SPATA9: variants seen among roughly 807,000 people sequenced by gnomAD.
SPATA9 encodes the protein spermatogenesis associated 9, also known as spermatogenesis-associated protein 9.
A neutral mutation model predicts 25.5 loss-of-function variants in SPATA9; 27 were observed. The ratio of observed to expected loss-of-function variants is 1.06; its 90% CI spans 0.78 to 1.46. SPATA9 has a LOEUF of 1.46. Among genes scored for constraint, SPATA9 ranks in the 40% most tolerant of loss-of-function variants. The pLI, the probability that SPATA9 is intolerant of heterozygous loss-of-function variation, is 0.00. For synonymous variants in SPATA9, 102 were observed against 105.7 expected (o/e 0.97, Z 0.21); for missense variants, 282 against 297.5 (o/e 0.95, Z 0.38).
chr5:95,680,367 C>T (rs1753338611), intron 2 of SPATA9, among the ~76,000 whole-genome samples: 1 of 152,148 alleles, frequency 6.6e-6, no homozygotes, highest in African/African-American at 2.4e-5. Flanking sequence ...TTCTGGGTAA[C>T]TAAAATTTTT....
chr5:95,681,590 G>T (rs146995211), intron 2 of SPATA9, among the ~76,000 whole-genome samples: 29 of 152,074 alleles, frequency 1.9e-4, no homozygotes, highest in African/African-American at 6.5e-4. Flanking sequence ...GCTCATTAGC[G>T]GAAAGGATCA....
intron 4 of SPATA9, among the ~76,000 whole-genome samples, chr5:95,660,602 C>G (rs1211728928): frequency 6.6e-6 from 1 of 152,172 alleles, no homozygotes; most frequent in Non-Finnish European, 1.5e-5. Flanking sequence ...CAGCCTCATC[C>G]ATTTATCCAA....
chr5:95,677,555 TA>T (rs1167334221), intron 2 of SPATA9, among the ~76,000 whole-genome samples: 11 of 152,160 alleles, frequency 7.2e-5, no homozygotes, highest in Admixed American at 2.0e-4. Context: ...TTCAGAAACC[TA>T]AATGCCATTA....
the SPATA9 span, among the ~76,000 whole-genome samples, chr5:95,708,412 C>G: frequency 1.3e-5 from 2 of 151,998 alleles, no homozygotes; most frequent in African/African-American, 4.8e-5. Context: ...GAATTAGGGT[C>G]ATGGACAGTT....
chr5:95,699,463 T>G (rs969626285), upstream of SPATA9, among the ~76,000 whole-genome samples: 1 of 152,098 alleles, frequency 6.6e-6, no homozygotes, highest in Non-Finnish European at 1.5e-5. Context: ...CAGGAACTAG[T>G]GCACAAAATA....
At chr5:95,656,164 G>A (rs1406173304), downstream of SPATA9, 32 of 1,613,878 alleles carry the variant, frequency 2.0e-5, no homozygotes, top group Non-Finnish European at 2.6e-5. Flanking sequence ...AAACCCAAGT[G>A]GTGCTCCAAA....
chr5:95,654,508 T>C (rs1750604718), downstream of SPATA9: 5 of 655,194 alleles, frequency 7.6e-6, no homozygotes, highest in African/African-American at 3.7e-5. Context: ...ATGAGAAATA[T>C]GCTTATCTTT....
the SPATA9 span, among the ~76,000 whole-genome samples, chr5:95,721,077 A>C: frequency 8.5e-5 from 13 of 152,224 alleles, no homozygotes; most frequent in Admixed American, 8.5e-4. Flanking sequence ...TTTTATATTA[A>C]ATCAATAAGG....
At chr5:95,656,403 C>A, downstream of SPATA9, 1 of 959,952 alleles carries the variant, frequency 1.0e-6, no homozygotes, top group Non-Finnish European at 1.5e-6. Context: ...AATTTTTCAA[C>A]ATAGGCACAA....
the SPATA9 span, chr5:95,732,025 G>A: frequency 6.2e-7 from 1 of 1,614,218 alleles, no homozygotes; most frequent in Non-Finnish European, 8.5e-7. Context: ...GGTGTTCACC[G>A]AGTATCAGGC....
chr5:95,731,376 G>A, the SPATA9 span: 1 of 1,157,968 alleles, frequency 8.6e-7, no homozygotes, highest in South Asian at 4.2e-5. Flanking sequence ...GCGCGGCGGA[G>A]AGGGGACTGC....
chr5:95,677,095 A>G (rs1308214079), intron 2 of SPATA9, among the ~76,000 whole-genome samples: 1 of 152,106 alleles, frequency 6.6e-6, no homozygotes, highest in African/African-American at 2.4e-5. Context: ...TGGTCACTCT[A>G]CCAAAATCAT....
upstream of SPATA9, among the ~76,000 whole-genome samples, chr5:95,683,980 A>T (rs888974581): frequency 6.6e-6 from 1 of 152,098 alleles, no homozygotes; most frequent in African/African-American, 2.4e-5. Flanking sequence ...TCTTCATGGG[A>T]ACAGTTTGGG....
rs1484226298 is a variant in SPATA9 at position 95,665,618 on chromosome 5, TGTGGTTG to T, written c.379-1577_379-1571del. On this transcript the variant is annotated intron_variant, in intron 3 of 4. Transcript: ENST00000274432. ...ACCACATTTTCTTTATCCATTCACC[TGTGGTTG>T]GACACGTAGGTTGATTCTATATCCA... Among the ~76,000 whole-genome samples, 1,454 of 152,374 alleles carry T rather than the reference TGTGGTTG, an allele frequency of 9.5e-3. 17 individuals are homozygous for T. Among genetic ancestry groups the T allele is most frequent in the African/African-American group, 0.033 (1,373 of 41,588 alleles).
intron 4 of SPATA9, among the ~76,000 whole-genome samples, chr5:95,660,083 G>A (rs1270576294): frequency 6.6e-6 from 1 of 152,080 alleles, no homozygotes; most frequent in Admixed American, 6.6e-5. Context: ...AAAATACCAT[G>A]AACTGAGTAG....
At chr5:95,722,713 C>G in the SPATA9 span, among the ~76,000 whole-genome samples, 1 of 152,198 alleles carries the variant, frequency 6.6e-6, no homozygotes, top group Non-Finnish European at 1.5e-5. Flanking sequence ...TGGTCTTGAA[C>G]TCCTGTTGAT....
At chr5:95,655,856 A>G, downstream of SPATA9, 1 of 546,530 alleles carries the variant, frequency 1.8e-6, no homozygotes, top group East Asian at 3.0e-5. Flanking sequence ...TGGCTTTCTA[A>G]TCAACTGTAA....
At chr5:95,654,445 A>G (rs1378846759), downstream of SPATA9, 2 of 932,148 alleles carry the variant, frequency 2.1e-6, no homozygotes, top group African/African-American at 1.7e-5. Context: ...GGTTTGAACT[A>G]TATTTTAATG....
the SPATA9 span, among the ~76,000 whole-genome samples, chr5:95,726,980 A>G: frequency 6.6e-6 from 1 of 151,640 alleles, no homozygotes; most frequent in East Asian, 1.9e-4. Flanking sequence ...TTTTTTCAGT[A>G]AAAAATAATG....
Sources: allele counts gnomAD v4.1 joint callset (sites outside exome capture counted in the v4.1 genomes callset), GRCh38; gene constraint gnomAD v4.1.1; transcripts MANE v1.5; gene names NCBI Gene and HGNC (gene_info 2026-07-23, HGNC 2026-07-21).